The following MACROD2 variants were observed in gnomAD, a reference collection of about 807,000 sequenced individuals.
The protein encoded by MACROD2 is mono-ADP ribosylhydrolase 2.
MACROD2 carries 36 observed loss-of-function variants against 70.4 expected under a neutral mutation model. The observed-to-expected ratio is 0.51, with a 90% CI of 0.39 to 0.68. MACROD2 has a LOEUF of 0.68. Ranked by LOEUF, MACROD2 falls within the 30% of genes least tolerant of loss-of-function variation. The pLI, the probability that MACROD2 is intolerant of heterozygous loss-of-function variation, is 0.00. For synonymous variants in MACROD2, 172 were observed against 178.8 expected (o/e 0.96, Z 0.30); for missense variants, 496 against 538.4 (o/e 0.92, Z 0.78).
chr20:14,762,509 C>A (rs1455118196), intron 5 of MACROD2, among the ~76,000 whole-genome samples: 1 of 152,114 alleles, frequency 6.6e-6, no homozygotes. Flanking sequence ...GCCTTTTGAT[C>A]ATAGGATTGG....
At chr20:14,866,704 G>C (rs1172297746) in intron 5 of MACROD2, among the ~76,000 whole-genome samples, 1 of 152,114 alleles carries the variant, frequency 6.6e-6, no homozygotes, top group Non-Finnish European at 1.5e-5. Context: ...CAGGTAAAGA[G>C]TGAGCTTTTC....
At chr20:15,229,791 C>T in intron 5 of MACROD2, 149 bp from the exon 6 acceptor site, 1 of 735,596 alleles carries the variant, frequency 1.4e-6, no homozygotes, top group Non-Finnish European at 2.0e-6. Context: ...GATCTTCTAC[C>T]AGAGAAATAT....
intron 3 of MACROD2, among the ~76,000 whole-genome samples, chr20:14,434,297 AATT>A (rs1248800555): frequency 2.0e-5 from 3 of 152,172 alleles, no homozygotes; most frequent in Non-Finnish European, 2.9e-5. Flanking sequence ...GGCAAACTGA[AATT>A]ATTTTGAATC....
intron 8 of MACROD2, among the ~76,000 whole-genome samples, chr20:15,636,338 G>A (rs1033079099): frequency 6.6e-6 from 1 of 152,178 alleles, no homozygotes; most frequent in Non-Finnish European, 1.5e-5. Flanking sequence ...TGGAATAGCT[G>A]CATCATTGAA....
intron 5 of MACROD2, among the ~76,000 whole-genome samples, chr20:15,090,009 T>C (rs1271691801): frequency 2.6e-5 from 4 of 152,072 alleles, no homozygotes; most frequent in Admixed American, 2.0e-4. Context: ...TAGGATCAGC[T>C]TTCAGAGGAG....
intron 5 of MACROD2, among the ~76,000 whole-genome samples, chr20:14,903,199 G>A (rs1233426482): frequency 1.3e-5 from 2 of 151,914 alleles, no homozygotes; most frequent in Non-Finnish European, 2.9e-5. Flanking sequence ...CTGCCACCAT[G>A]CCCAGCTAAA....
At chr20:15,321,711 T>A (rs1270463614) in intron 6 of MACROD2, among the ~76,000 whole-genome samples, 1 of 144,704 alleles carries the variant, frequency 6.9e-6, no homozygotes, top group Non-Finnish European at 1.6e-5. Context: ...GAAAACATTA[T>A]TTTTTGCCCT....
chr20:15,737,581 C>T lies in MACROD2; in HGVS notation c.646-125164C>T, dbSNP rs947447213. Among the ~76,000 whole-genome samples the T allele has an allele frequency of 2.0e-4, 30 of 152,320 alleles. No homozygotes were observed. In the Middle Eastern group the frequency reaches 0.01, roughly 52 times the overall value. The stretch of plus-strand genomic sequence containing the variant: ...GTTCAGGTCCATTTGTTAGCTCTTA[C>T]ACCGTGTCTCTCAAGAGAGCCTGTC... On this transcript the variant is annotated intron_variant, in intron 8 of 17. Transcript: ENST00000684519.
In MACROD2 at chr20:14,230,649, AT is replaced by A. The variant is rs1479678501; in HGVS notation, c.271+144922del. 7.1e-3 allele frequency among the ~76,000 whole-genome samples: 183 copies of A among 25,740 alleles called. 29 individuals carry two copies. Among genetic ancestry groups the A allele is most frequent in the African/African-American group, 0.027 (167 of 6,184 alleles). The allele number at this position is 25,740 out of a possible 152,430, so 16.9% of individuals were successfully genotyped here. ...TTCATGTTTATATATATATATATAT[AT>A]ATATAACACAGGCTGGGCCTATATA... On this transcript the variant is annotated intron_variant, in intron 3 of 17. Transcript: ENST00000684519.
chr20:14,046,458 T>C (rs979157819), intron 2 of MACROD2, among the ~76,000 whole-genome samples: 25 of 152,224 alleles, frequency 1.6e-4, no homozygotes, highest in Admixed American at 6.5e-5. Context: ...GGTAGAATTA[T>C]AAACAACTGC....
chr20:14,468,053 G>A (rs1324909968), intron 3 of MACROD2, among the ~76,000 whole-genome samples: 1 of 152,082 alleles, frequency 6.6e-6, no homozygotes, highest in African/African-American at 2.4e-5. Context: ...TTTAGAATAA[G>A]TGTGATGTGG....
chr20:15,585,538 C>T (rs2048587477), intron 8 of MACROD2, among the ~76,000 whole-genome samples: 1 of 152,122 alleles, frequency 6.6e-6, no homozygotes, highest in South Asian at 2.1e-4. Context: ...TTGAAGCCCA[C>T]AGTGCTCAGG....
intron 5 of MACROD2, among the ~76,000 whole-genome samples, chr20:15,203,033 T>C (rs2076670332): frequency 6.6e-6 from 1 of 152,264 alleles, no homozygotes; most frequent in Admixed American, 6.5e-5. Context: ...ATAGAAAATT[T>C]CAATCCCTGC....
At chr20:14,420,363 G>C (rs1332517777) in intron 3 of MACROD2, among the ~76,000 whole-genome samples, 1 of 152,014 alleles carries the variant, frequency 6.6e-6, no homozygotes, top group Non-Finnish European at 1.5e-5. Flanking sequence ...AGCTCCACTT[G>C]TTCCAATAGT....
chr20:15,369,869 A>G (rs1049377481), intron 6 of MACROD2, among the ~76,000 whole-genome samples: 1 of 152,152 alleles, frequency 6.6e-6, no homozygotes, highest in African/African-American at 2.4e-5. Flanking sequence ...ATAGAAATGG[A>G]ATTTTAAATA....
intron 12 of MACROD2, among the ~76,000 whole-genome samples, chr20:15,945,366 C>G (rs945713477): frequency 5.3e-5 from 8 of 152,210 alleles, no homozygotes; most frequent in Non-Finnish European, 1.0e-4. Context: ...CATTTTAAAG[C>G]TCACATGATA....
intron 5 of MACROD2, among the ~76,000 whole-genome samples, chr20:15,172,597 A>G (rs1165566652): frequency 1.3e-5 from 2 of 151,836 alleles, no homozygotes; most frequent in Non-Finnish European, 1.5e-5. Flanking sequence ...TTTTGTAGAG[A>G]TGGGATCTCA....
rs796433388 is a variant in MACROD2, at chr20:14,623,185, G to GT, written c.302-61648dup. Among the ~76,000 whole-genome samples, 603 of 148,340 alleles carry GT rather than the reference G, an allele frequency of 4.1e-3. 3 individuals carry two copies. The highest frequency in any genetic ancestry group is 0.011 in the Admixed American group (159 of 14,876). Reference sequence around the variant, plus strand: ...TTACAACTGAATTACAGTTTTTTTTGTTTTTTTTTTCTCAACCAACCTTGA... The same window carrying GT: ...TTACAACTGAATTACAGTTTTTTTTGTTTTTTTTTTTCTCAACCAACCTTGA... On this transcript the variant is annotated intron_variant, in intron 4 of 17. Coordinates refer to ENST00000684519, the MANE Select transcript of MACROD2 (RefSeq NM_001351661.2).
At chr20:15,001,852 C>T (rs1184508504) in intron 5 of MACROD2, among the ~76,000 whole-genome samples, 1 of 151,416 alleles carries the variant, frequency 6.6e-6, no homozygotes, top group African/African-American at 2.4e-5. Context: ...GTGTTTTATC[C>T]CTCACTCCCT....
Sources: gnomAD v4.1 joint callset for allele counts (sites outside exome capture counted in the v4.1 genomes callset) on GRCh38, gnomAD v4.1.1 for gene constraint, MANE v1.5 for transcripts, NCBI Gene and HGNC (gene_info 2026-07-23, HGNC 2026-07-21) for gene names.